Variants in SCTR observed in about 807,000 individuals in gnomAD.
SCTR encodes the protein pancreatic secretin receptor.
Under a neutral mutation model 60.8 loss-of-function variants are expected in SCTR, and 56 were observed. The ratio of observed to expected loss-of-function variants is 0.92; its 90% CI spans 0.74 to 1.15. SCTR has a LOEUF of 1.15. SCTR is among the 50% of genes most tolerant of loss of function. The probability of loss-of-function intolerance (pLI) is 0.00; values close to 1 mark genes in which losing one functional copy is unlikely to be tolerated. For synonymous variants in SCTR, 202 were observed against 217.0 expected, an observed-to-expected ratio of 0.93 and a Z score of 0.61; for missense variants, 562 against 550.4, an observed-to-expected ratio of 1.02 and a Z score of -0.21.
At chr2:119,455,147 T>C (rs1683326074) in intron 7 of SCTR, among the ~76,000 whole-genome samples, 1 of 152,180 alleles carries the variant, frequency 6.6e-6, no homozygotes, top group African/African-American at 2.4e-5. Flanking sequence ...AGGCCTCTAC[T>C]GAATGGGCTT....
At chr2:119,493,460 C>T (rs1436702448) in intron 2 of SCTR, among the ~76,000 whole-genome samples, 3 of 151,876 alleles carry the variant, frequency 2.0e-5, no homozygotes, top group African/African-American at 4.8e-5. Context: ...AAAGATGAGA[C>T]GTTTAGTAAG....
intron 2 of SCTR, among the ~76,000 whole-genome samples, chr2:119,491,257 C>T (rs1678114491): frequency 6.6e-6 from 1 of 152,174 alleles, no homozygotes; most frequent in African/African-American, 2.4e-5. Flanking sequence ...CTCTCCAAGG[C>T]TTTTGCTTCT....
chr2:119,507,679 T>C (rs78443141), intron 1 of SCTR, among the ~76,000 whole-genome samples: 14,958 of 120,652 alleles, frequency 0.12, 792 homozygotes, highest in African/African-American at 0.18. Flanking sequence ...TTTTTTTTTT[T>C]CTTTTTTTTT....
At chr2:119,516,214 G>C (rs1189890444) in intron 1 of SCTR, among the ~76,000 whole-genome samples, 1 of 152,126 alleles carries the variant, frequency 6.6e-6, no homozygotes, top group African/African-American at 2.4e-5. Flanking sequence ...TCACACTTCT[G>C]GTCATAAACC....
At chr2:119,502,974 A>G (rs1403333561) in intron 1 of SCTR, among the ~76,000 whole-genome samples, 1 of 142,250 alleles carries the variant, frequency 7.0e-6, no homozygotes, top group Non-Finnish European at 1.5e-5. Context: ...ACACAGTGGA[A>G]CCTCATCTCT....
In SCTR at chr2:119,448,698, C is replaced by A; in HGVS notation, c.1004G>T (p.Ser335Ile). Reference protein sequence around the residue: ...RTQETRGNEVSHYKRLARSTL... With the variant: ...RTQETRGNEVIHYKRLARSTL... ...TTTGCCCTTCACTTACTTATAATGG[C>A]TGACTTCATTTCCTCTTGTTTCTTG... Residue 335 changes from serine (S) to isoleucine (I), a missense_variant, in exon 10 of 13, where the codon AGC becomes ATC. By Grantham distance (142) the Ser-to-Ile change is moderately radical. Coordinates refer to ENST00000019103, the MANE Select transcript of SCTR (RefSeq NM_002980.3). 1 of 1,578,530 alleles carries A rather than the reference C, an allele frequency of 6.3e-7. No individual in the cohort carries two copies. Among genetic ancestry groups the A allele is most frequent in the Non-Finnish European group, 8.7e-7 (1 of 1,147,510 alleles).
At chr2:119,443,766 C>T (rs1006517517) in intron 11 of SCTR, among the ~76,000 whole-genome samples, 2 of 152,292 alleles carry the variant, frequency 1.3e-5, no homozygotes, top group Admixed American at 6.5e-5. Flanking sequence ...AGGCTGGTCT[C>T]GAACTCCTGA....
chr2:119,508,328 T>A (rs1047848726), intron 1 of SCTR, among the ~76,000 whole-genome samples: 1 of 151,776 alleles, frequency 6.6e-6, no homozygotes, highest in South Asian at 2.1e-4. Flanking sequence ...TTCCATCATA[T>A]TCTCTTTTCT....
intron 11 of SCTR, among the ~76,000 whole-genome samples, chr2:119,442,798 A>T (rs994191483): frequency 4.6e-5 from 7 of 152,060 alleles, no homozygotes; most frequent in African/African-American, 1.7e-4. Context: ...GCTTTTAAAG[A>T]TCCCCACACA....
intron 1 of SCTR, among the ~76,000 whole-genome samples, chr2:119,506,142 C>G: frequency 6.6e-6 from 1 of 152,152 alleles, no homozygotes; most frequent in East Asian, 1.9e-4. Flanking sequence ...CATGCAACTA[C>G]GACAGTCCTG....
intron 1 of SCTR, among the ~76,000 whole-genome samples, chr2:119,497,576 A>G (rs1240804905): frequency 1.3e-5 from 2 of 152,160 alleles, no homozygotes; most frequent in African/African-American, 4.8e-5. Context: ...AGAAATACAA[A>G]CATCAGCAAA....
intron 2 of SCTR, among the ~76,000 whole-genome samples, chr2:119,494,066 C>A (rs1226337397): frequency 6.6e-6 from 1 of 152,216 alleles, no homozygotes; most frequent in African/African-American, 2.4e-5. Context: ...GCCTTTCCTA[C>A]TACCTCACTC....
At chr2:119,501,813 T>A (rs1171615216) in intron 1 of SCTR, among the ~76,000 whole-genome samples, 2 of 152,000 alleles carry the variant, frequency 1.3e-5, no homozygotes. Flanking sequence ...GCAGATAACA[T>A]GACTGTCTAC....
At chr2:119,458,107 A>G (rs1683445879) in intron 7 of SCTR, among the ~76,000 whole-genome samples, 1 of 151,376 alleles carries the variant, frequency 6.6e-6, no homozygotes, top group Non-Finnish European at 1.5e-5. Context: ...CAGCCTGGGC[A>G]ACATAGTGAG....
chr2:119,491,522 A>AT lies in SCTR; in HGVS notation c.193+2905dup, dbSNP rs950395450. ...TCTTTCTTTCATTATTATTAATATTATTTTTTTTGACAGAGTTTCACTCTT... is the reference window on the plus strand; with the variant it reads ...TCTTTCTTTCATTATTATTAATATTATTTTTTTTTGACAGAGTTTCACTCTT... On this transcript the variant is annotated intron_variant, in intron 2 of 12. Coordinates refer to ENST00000019103, the MANE Select transcript of SCTR (RefSeq NM_002980.3). 9.2e-5 allele frequency among the ~76,000 whole-genome samples: 14 copies of AT among 151,782 alleles called. No individual in the cohort carries two copies. The South Asian group carries it at 1.3e-3, about 14-fold the overall frequency.
intron 1 of SCTR, among the ~76,000 whole-genome samples, chr2:119,511,829 A>G (rs2587670): frequency 0.039 from 5,983 of 152,284 alleles, 268 homozygotes; most frequent in African/African-American, 0.097. Flanking sequence ...TGCAGAAGTG[A>G]AAATATTTTT....
chr2:119,487,552 G>C (rs1179055418), intron 2 of SCTR, among the ~76,000 whole-genome samples: 3 of 152,186 alleles, frequency 2.0e-5, no homozygotes, highest in Admixed American at 1.3e-4. Flanking sequence ...CACCTTTCCT[G>C]TCACCACACT....
At chr2:119,473,623 T>A (rs1463087594) in intron 3 of SCTR, 67 bp from the exon 4 acceptor site, 1 of 972,168 alleles carries the variant, frequency 1.0e-6, no homozygotes. Context: ...TAGTAACATC[T>A]ATTGTAACAT....
intron 2 of SCTR, among the ~76,000 whole-genome samples, chr2:119,485,111 C>T (rs1036728693): frequency 7.9e-5 from 12 of 152,220 alleles, no homozygotes; most frequent in African/African-American, 1.2e-4. Context: ...CAGCTGCAGG[C>T]GAGATCCCCC....
Sources: gnomAD v4.1 joint callset for allele counts (sites outside exome capture counted in the v4.1 genomes callset) on GRCh38, gnomAD v4.1.1 for gene constraint, MANE v1.5 for transcripts, NCBI Gene and HGNC (gene_info 2026-07-23, HGNC 2026-07-21) for gene names.